The following PTPN4 variants were observed in gnomAD, a reference collection of about 807,000 sequenced individuals.
PTPN4 encodes tyrosine-protein phosphatase non-receptor type 4.
In PTPN4, 49 loss-of-function variants were observed where a neutral mutation model predicts 135.5. That is an observed-to-expected ratio of 0.36 (90% confidence interval 0.29 to 0.46). The LOEUF (loss-of-function observed/expected upper bound fraction) is 0.46. PTPN4 is among the 20% of genes least tolerant of loss of function. The pLI, the probability that PTPN4 is intolerant of heterozygous loss-of-function variation, is 1.00. For synonymous variants in PTPN4, 333 were observed against 369.9 expected (o/e 0.90, Z 1.14); for missense variants, 860 against 1,101.0 (o/e 0.78, Z 3.10).
chr2:119,916,951 C>T (rs886537429), intron 11 of PTPN4, among the ~76,000 whole-genome samples: 1 of 152,056 alleles, frequency 6.6e-6, no homozygotes, highest in Non-Finnish European at 1.5e-5. Flanking sequence ...GATATTATGA[C>T]TAATGCTGCT....
At chr2:119,804,309 T>C (rs1691427799) in intron 1 of PTPN4, among the ~76,000 whole-genome samples, 1 of 152,138 alleles carries the variant, frequency 6.6e-6, no homozygotes, top group African/African-American at 2.4e-5. Context: ...CTTTAAGTTC[T>C]AGGGTACATG....
chr2:119,853,728 G>A (rs769825345), intron 2 of PTPN4, among the ~76,000 whole-genome samples: 1 of 152,040 alleles, frequency 6.6e-6, no homozygotes, highest in Non-Finnish European at 1.5e-5. Context: ...AGAAGAATAG[G>A]CTTTTTTATT....
intron 3 of PTPN4, among the ~76,000 whole-genome samples, chr2:119,873,731 T>TA (rs2104995795): frequency 6.6e-6 from 1 of 152,316 alleles, no homozygotes; most frequent in South Asian, 2.1e-4. Flanking sequence ...TTATGACATT[T>TA]AAAATTCATA....
At chr2:119,882,665 G>A (rs747451272) in intron 8 of PTPN4, 42 bp downstream of exon 8, 4 of 1,411,698 alleles carry the variant, frequency 2.8e-6, no homozygotes, top group Middle Eastern at 2.1e-4. Context: ...CTTCTTAATG[G>A]CATTCTTTCT....
At chr2:119,863,378 C>CTT (rs1677788255) in intron 3 of PTPN4, among the ~76,000 whole-genome samples, 1 of 151,986 alleles carries the variant, frequency 6.6e-6, no homozygotes, top group Non-Finnish European at 1.5e-5. Context: ...GGGACTTCTG[C>CTT]AATAAAGTAT....
chr2:119,976,502 G>A (rs756380007), intron 26 of PTPN4, among the ~76,000 whole-genome samples: 6 of 151,748 alleles, frequency 4.0e-5, no homozygotes, highest in African/African-American at 9.7e-5. Context: ...TTTTCTTCCC[G>A]ACTAGCTAGT....
intron 18 of PTPN4, 137 bp from the exon 19 acceptor site, chr2:119,951,836 A>G: frequency 1.5e-6 from 1 of 678,766 alleles, no homozygotes; most frequent in Non-Finnish European, 2.2e-6. Flanking sequence ...TACATTTTTT[A>G]AATAGATAAT....
intron 2 of PTPN4, among the ~76,000 whole-genome samples, chr2:119,829,548 T>C (rs1015107011): frequency 1.3e-5 from 2 of 152,234 alleles, no homozygotes; most frequent in Non-Finnish European, 2.9e-5. Flanking sequence ...CTAGTCTAGA[T>C]ATTGGTTATA....
chr2:119,766,456 G>GCAC (rs1558718903), intron 1 of PTPN4, among the ~76,000 whole-genome samples: 5 of 110,116 alleles, frequency 4.5e-5, no homozygotes, highest in African/African-American at 1.8e-4. Flanking sequence ...GCGCGTGTGT[G>GCAC]TGTGTGTGTG....
intron 2 of PTPN4, among the ~76,000 whole-genome samples, chr2:119,857,105 A>G (rs1032219448): frequency 6.6e-6 from 1 of 151,636 alleles, no homozygotes; most frequent in African/African-American, 2.4e-5. Context: ...TTTTATTTTG[A>G]GACAGTCTTA....
chr2:119,885,646 C>T (rs2105004947), intron 8 of PTPN4, 149 bp from the exon 9 acceptor site: 5 of 443,374 alleles, frequency 1.1e-5, no homozygotes, highest in Middle Eastern at 6.2e-4. Context: ...ATGTGCCCTC[C>T]AGATAAGTTA....
At chr2:119,945,524 T>G (rs1679119960) in intron 16 of PTPN4, among the ~76,000 whole-genome samples, 1 of 152,062 alleles carries the variant, frequency 6.6e-6, no homozygotes, top group South Asian at 2.1e-4. Context: ...GATTTTTTCC[T>G]TCAAAGAGCA....
intron 1 of PTPN4, among the ~76,000 whole-genome samples, chr2:119,807,015 G>T (rs1198705065): frequency 4.6e-5 from 7 of 152,166 alleles, no homozygotes; most frequent in African/African-American, 9.7e-5. Flanking sequence ...AAATAAAGAT[G>T]TTATTTGAAA....
At chr2:119,838,009 A>G (rs115814253) in intron 2 of PTPN4, among the ~76,000 whole-genome samples, 1,671 of 152,374 alleles carry the variant, frequency 0.011, 26 homozygotes, top group African/African-American at 0.038. Context: ...CCAGGCCGGT[A>G]GCGCGAGCCA....
chr2:119,900,839 C>A, intron 10 of PTPN4, 33 bp downstream of exon 10: 1 of 1,212,872 alleles, frequency 8.2e-7, no homozygotes, highest in Non-Finnish European at 1.2e-6. Flanking sequence ...TTATGTTTAC[C>A]ACTGTATTAC....
chr2:119,801,447 G>A (rs572727401), intron 1 of PTPN4, among the ~76,000 whole-genome samples: 2 of 152,122 alleles, frequency 1.3e-5, no homozygotes, highest in African/African-American at 4.8e-5. Flanking sequence ...AAAAGTACTG[G>A]GATTTTGATA....
intron 1 of PTPN4, among the ~76,000 whole-genome samples, chr2:119,785,935 C>T (rs1032376510): frequency 5.3e-5 from 8 of 152,196 alleles, no homozygotes; most frequent in African/African-American, 1.9e-4. Context: ...CATTCATCTT[C>T]ACGGTATTTA....
At position 119,983,987 on chromosome 2, in the gene PTPN4, T is replaced by A. The variant is rs1048077067; in HGVS notation, c.*6917T>A. 1.3e-5 allele frequency among the ~76,000 whole-genome samples: 2 copies of A among 152,204 alleles called. No individual in the cohort carries two copies. The highest frequency in any genetic ancestry group is 2.9e-5 in the Non-Finnish European group (2 of 68,026). On this transcript the variant is annotated 3_prime_UTR_variant, in exon 27 of 27. Coordinates refer to ENST00000263708, the MANE Select transcript of PTPN4 (RefSeq NM_002830.4). ...TTTAAGGGAATAAAAGTCCCGACAC[T>A]TTATATACATGTTGAGGGGCACGAT...
intron 1 of PTPN4, among the ~76,000 whole-genome samples, chr2:119,793,115 C>A (rs1691179637): frequency 6.6e-6 from 1 of 152,184 alleles, no homozygotes; most frequent in Non-Finnish European, 1.5e-5. Context: ...ATTTCCTAAT[C>A]CTAGCAAGCC....
Sources: gnomAD v4.1 joint callset for allele counts (sites outside exome capture counted in the v4.1 genomes callset) on GRCh38, gnomAD v4.1.1 for gene constraint, MANE v1.5 for transcripts, NCBI Gene and HGNC (gene_info 2026-07-23, HGNC 2026-07-21) for gene names.